The following CFAP44 variants were observed in gnomAD, a reference collection of about 807,000 sequenced individuals.
CFAP44 encodes the protein cilia and flagella associated protein 44.
In CFAP44, 134 loss-of-function variants were observed where a neutral mutation model predicts 216.2. The ratio of observed to expected loss-of-function variants is 0.62; its 90% confidence interval spans 0.54 to 0.72. CFAP44 has a LOEUF of 0.72. Ranked by LOEUF, CFAP44 falls within the 30% of genes least tolerant of loss-of-function variation. The probability of loss-of-function intolerance (pLI) is 0.00; values close to 1 mark genes in which losing one functional copy is unlikely to be tolerated. For missense variants in CFAP44, 2,035 were observed against 2,182.1 expected (o/e 0.93, Z 1.34); for synonymous variants, 700 against 727.6 (o/e 0.96, Z 0.61).
chr3:113,436,221 C>T (rs1935236470), intron 1 of CFAP44, among the ~76,000 whole-genome samples: 1 of 151,246 alleles, frequency 6.6e-6, no homozygotes, highest in Admixed American at 6.6e-5. Context: ...CTATGTTACT[C>T]TACAGTGAGT....
intron 1 of CFAP44, among the ~76,000 whole-genome samples, chr3:113,437,792 T>TTTTG (rs138305977): frequency 6.6e-6 from 1 of 151,914 alleles, no homozygotes; most frequent in African/African-American, 2.4e-5. Flanking sequence ...TTTTTTGGGG[T>TTTTG]TTTGTTTGTT....
intron 7 of CFAP44, among the ~76,000 whole-genome samples, 160 bp from the exon 8 acceptor site, chr3:113,407,201 C>A (rs1934311111): frequency 6.6e-6 from 1 of 152,064 alleles, no homozygotes; most frequent in Non-Finnish European, 1.5e-5. Flanking sequence ...ACCTGCCCGG[C>A]AAGGTTGTAG....
intron 4 of CFAP44, among the ~76,000 whole-genome samples, chr3:113,422,184 A>G (rs568168508): frequency 6.6e-6 from 1 of 152,346 alleles, no homozygotes; most frequent in East Asian, 1.9e-4. Flanking sequence ...TTAAGCAGAT[A>G]GATTCTTTGT....
intron 18 of CFAP44, 118 bp downstream of exon 18, chr3:113,373,292 AT>A: frequency 3.0e-6 from 3 of 1,010,852 alleles, no homozygotes; most frequent in South Asian, 3.8e-5. Flanking sequence ...TTAACCAAAT[AT>A]TTTTTGAGTA....
At chr3:113,402,863 A>G (rs563667758) in intron 9 of CFAP44, among the ~76,000 whole-genome samples, 48 of 152,340 alleles carry the variant, frequency 3.2e-4, no homozygotes, top group African/African-American at 1.1e-3. Context: ...GGGGTAACGT[A>G]TATCTTGGAA....
intron 23 of CFAP44, among the ~76,000 whole-genome samples, chr3:113,343,059 CTTT>C (rs397990837): frequency 0.013 from 1,364 of 106,764 alleles, 18 homozygotes; most frequent in African/African-American, 0.046. Context: ...TTCTTTCTTT[CTTT>C]TTTTTTTTTT....
Position 113,330,244 on chromosome 3 carries a change from G to C in CFAP44, c.4040C>G (p.Pro1347Arg), listed in dbSNP as rs762565803. Reference sequence around the variant, plus strand: ...CATAATTTCCAGCTCCACATCCGTTGGCTCTGCTTTTTCAAATTCCAAACA... The same window carrying C: ...CATAATTTCCAGCTCCACATCCGTTCGCTCTGCTTTTTCAAATTCCAAACA... The part of the protein sequence containing the change: ...PKCLEFEKAE[P>R]TDVELEIMKR... Residue 1347 changes from proline (P) to arginine (R), a missense_variant, in exon 26 of 35, where the codon CCA becomes CGA. Pro to Arg is a moderately radical substitution (Grantham distance 103). Around this residue, in one of 3 missense-constraint regions of CFAP44, gnomAD observed 1,883 missense variants for 2,023.7 expected, o/e 0.93. Transcript: ENST00000393845. 3.3e-6 allele frequency: 5 copies of C among 1,537,482 alleles called. No homozygotes were observed. Among genetic ancestry groups the C allele is most frequent in the South Asian group, 1.2e-5 (1 of 84,030 alleles).
chr3:113,310,976 C>T (rs1284950606), intron 28 of CFAP44, among the ~76,000 whole-genome samples: 2 of 152,166 alleles, frequency 1.3e-5, no homozygotes, highest in Non-Finnish European at 2.9e-5. Context: ...GCCAATTAAA[C>T]GTCTTTTCTT....
intron 24 of CFAP44, among the ~76,000 whole-genome samples, chr3:113,337,603 T>C (rs914484581): frequency 5.3e-5 from 8 of 152,280 alleles, no homozygotes; most frequent in South Asian, 2.1e-4. Context: ...AGGATAGATA[T>C]GTAGATCAAC....
In CFAP44 at chr3:113,376,584, TGA is replaced by T. The variant is rs1933351111; in HGVS notation, c.2298+2720_2298+2721del. 3.3e-5 allele frequency among the ~76,000 whole-genome samples: 5 copies of T among 152,240 alleles called. 1 individual carries two copies. Among genetic ancestry groups the T allele is most frequent in the African/African-American group, 1.2e-4 (5 of 41,540 alleles). On this transcript the variant is annotated intron_variant, in intron 17 of 34. Transcript: ENST00000393845. ...TTAGAAGCCAAGAGAAGAAAGCATT[TGA>T]GAAGTATGAGGGGTCAACTCTGTTA...
chr3:113,420,533 G>T (rs1934786794), intron 4 of CFAP44, among the ~76,000 whole-genome samples: 1 of 152,086 alleles, frequency 6.6e-6, no homozygotes, highest in Admixed American at 6.5e-5. Context: ...GGTACCACAG[G>T]CAGCAAAACT....
At chr3:113,296,343 T>C (rs566299537) in intron 33 of CFAP44, among the ~76,000 whole-genome samples, 14 of 152,198 alleles carry the variant, frequency 9.2e-5, no homozygotes, top group Non-Finnish European at 1.9e-4. Context: ...CATTTTCTCA[T>C]TGTGGTTTTA....
chr3:113,313,357 T>C (rs867962190), intron 28 of CFAP44, among the ~76,000 whole-genome samples: 6 of 152,130 alleles, frequency 3.9e-5, no homozygotes, highest in Admixed American at 1.3e-4. Context: ...CCCCATATTA[T>C]GTAGGAAGTA....
intron 4 of CFAP44, among the ~76,000 whole-genome samples, chr3:113,425,312 A>T (rs1934930768): frequency 6.6e-6 from 1 of 152,218 alleles, no homozygotes; most frequent in Non-Finnish European, 1.5e-5. Flanking sequence ...CCACGTGGTG[A>T]TAAGTACTAA....
intron 19 of CFAP44, among the ~76,000 whole-genome samples, chr3:113,365,469 C>A (rs56794625): frequency 0.081 from 12,321 of 152,122 alleles, 592 homozygotes; most frequent in East Asian, 0.15. Context: ...ATATGAAATT[C>A]AAGTTCTATG....
chr3:113,342,758 AAGG>A (rs1248181846), intron 23 of CFAP44, among the ~76,000 whole-genome samples: 1 of 151,954 alleles, frequency 6.6e-6, no homozygotes, highest in East Asian at 1.9e-4. Context: ...TTGTAAGGCC[AAGG>A]TAGGCAGATT....
At chr3:113,341,223 T>A (rs1950330200) in intron 24 of CFAP44, among the ~76,000 whole-genome samples, 1 of 152,162 alleles carries the variant, frequency 6.6e-6, no homozygotes, top group Admixed American at 6.5e-5. Flanking sequence ...CTCACCTAGG[T>A]CCGTGGGGAT....
At chr3:113,331,299 C>T (rs1259044077) in intron 25 of CFAP44, among the ~76,000 whole-genome samples, 1 of 152,056 alleles carries the variant, frequency 6.6e-6, no homozygotes, top group Non-Finnish European at 1.5e-5. Flanking sequence ...TATACAATCT[C>T]ATTGCTCTTT....
intron 28 of CFAP44, among the ~76,000 whole-genome samples, chr3:113,312,405 G>A (rs938365981): frequency 2.0e-5 from 3 of 151,858 alleles, no homozygotes; most frequent in South Asian, 2.1e-4. Context: ...GTTTTAAAAC[G>A]GAAACAGAGC....
Sources: gnomAD v4.1 joint callset for allele counts (sites outside exome capture counted in the v4.1 genomes callset) on GRCh38, gnomAD v4.1.1 for gene constraint, gnomAD v4.1.1 regional missense constraint, MANE v1.5 for transcripts, NCBI Gene and HGNC (gene_info 2026-07-23, HGNC 2026-07-21) for gene names.